The following SLC1A1 variants were observed in gnomAD, a reference collection of about 807,000 sequenced individuals.
SLC1A1 encodes solute carrier family 1 member 1.
Under a neutral mutation model 53.3 loss-of-function variants are expected in SLC1A1, and 43 were observed. The observed-to-expected ratio is 0.81, with a 90% confidence interval of 0.63 to 1.04. The LOEUF is 1.04. Ranked by LOEUF, SLC1A1 falls within the 50% of genes least tolerant of loss-of-function variation. The probability of loss-of-function intolerance (pLI) is 0.00; values close to 1 mark genes in which losing one functional copy is unlikely to be tolerated. For missense variants in SLC1A1, 748 were observed against 664.9 expected (o/e 1.12, Z -1.37); for synonymous variants, 307 against 243.2 (o/e 1.26, Z -2.44).
At chr9:4,541,851 G>A (rs1817039331) in intron 1 of SLC1A1, among the ~76,000 whole-genome samples, 1 of 152,134 alleles carries the variant, frequency 6.6e-6, no homozygotes, top group Non-Finnish European at 1.5e-5. Flanking sequence ...TTTGGCTTTG[G>A]GAACCTCTCC....
rs1820121834 is a variant in SLC1A1, at chr9:4,572,203, G to C, written c.583-1G>C. On this transcript the variant is annotated splice_acceptor_variant, in intron 6 of 11. Transcript: ENST00000262352. LOFTEE classifies it high-confidence loss of function. The stretch of plus-strand genomic sequence containing the variant: ...TATGTTTTCTTGGTTTTGATCCACA[G>C]AACAAAACAAAGGAATACAAAATTG... 6.2e-7 allele frequency: 1 copy of C among 1,612,306 alleles called. No homozygotes were observed.
chr9:4,567,362 C>T (rs1302255230), intron 5 of SLC1A1, among the ~76,000 whole-genome samples: 1 of 152,214 alleles, frequency 6.6e-6, no homozygotes, highest in Non-Finnish European at 1.5e-5. Flanking sequence ...ACAGCACCTG[C>T]AGATCAAGCC....
At chr9:4,524,098 A>G (rs1305622111) in intron 1 of SLC1A1, among the ~76,000 whole-genome samples, 2 of 152,202 alleles carry the variant, frequency 1.3e-5, no homozygotes, top group East Asian at 3.8e-4. Flanking sequence ...AAATTAGGTG[A>G]TCTGTAAATG....
chr9:4,544,663 T>C lies in SLC1A1; in HGVS notation c.188T>C (p.Leu63Pro). ...AFPGEILMRM[L>P]KLIILPLIIS... ...CCTGGAGAAATTCTAATGCGGATGC[T>C]GAAACTCATCATTTTGCCATTAATT... Residue 63 changes from leucine to proline, a missense_variant, in exon 2 of 12, where the codon CTG (leucine) becomes CCG (proline). Coordinates refer to ENST00000262352, the MANE Select transcript of SLC1A1 (RefSeq NM_004170.6). 3 of 1,613,724 alleles carry C rather than the reference T, an allele frequency of 1.9e-6. No individual in the cohort carries two copies. The highest frequency in any genetic ancestry group is 1.1e-5 in the South Asian group (1 of 91,072).
At chr9:4,555,532 C>A (rs1818293243) in intron 2 of SLC1A1, among the ~76,000 whole-genome samples, 1 of 152,192 alleles carries the variant, frequency 6.6e-6, no homozygotes, top group Non-Finnish European at 1.5e-5. Flanking sequence ...CACCCTTGCT[C>A]ATCAGAGCCT....
At chr9:4,517,931 T>C (rs1359200093) in intron 1 of SLC1A1, among the ~76,000 whole-genome samples, 2 of 152,030 alleles carry the variant, frequency 1.3e-5, no homozygotes, top group African/African-American at 4.8e-5. Flanking sequence ...ACCCTATCTT[T>C]AAGAATGAAG....
chr9:4,554,926 G>C (rs1157868830), intron 2 of SLC1A1, among the ~76,000 whole-genome samples: 3 of 152,202 alleles, frequency 2.0e-5, no homozygotes, highest in Admixed American at 6.5e-5. Context: ...AATCATGCAG[G>C]CTATTTACTA....
At chr9:4,538,793 A>G (rs1286713268) in intron 1 of SLC1A1, among the ~76,000 whole-genome samples, 1 of 152,232 alleles carries the variant, frequency 6.6e-6, no homozygotes, top group Non-Finnish European at 1.5e-5. Flanking sequence ...AAGAGATGAG[A>G]AAGGGATACA....
intron 6 of SLC1A1, among the ~76,000 whole-genome samples, chr9:4,569,586 G>C (rs958339315): frequency 3.3e-5 from 5 of 152,190 alleles, no homozygotes; most frequent in African/African-American, 1.2e-4. Flanking sequence ...CTTCACACAG[G>C]AAGGAATGAT....
chr9:4,543,591 G>A (rs1817200158), intron 1 of SLC1A1, among the ~76,000 whole-genome samples: 1 of 151,838 alleles, frequency 6.6e-6, no homozygotes, highest in Non-Finnish European at 1.5e-5. Flanking sequence ...TAGTGAACAT[G>A]TCCCTACACT....
At chr9:4,565,542 C>G (rs1321952284) in intron 4 of SLC1A1, among the ~76,000 whole-genome samples, 1 of 152,170 alleles carries the variant, frequency 6.6e-6, no homozygotes, top group Non-Finnish European at 1.5e-5. Context: ...AGAAGTGCCA[C>G]ACACTTTCTA....
At chr9:4,533,400 C>T (rs1816551975) in intron 1 of SLC1A1, among the ~76,000 whole-genome samples, 1 of 152,058 alleles carries the variant, frequency 6.6e-6, no homozygotes, top group Non-Finnish European at 1.5e-5. Flanking sequence ...CAAAAAAAGG[C>T]AGGGGTTGCA....
intron 1 of SLC1A1, among the ~76,000 whole-genome samples, chr9:4,522,343 G>A (rs551425565): frequency 6.6e-6 from 1 of 152,156 alleles, no homozygotes; most frequent in Admixed American, 6.5e-5. Flanking sequence ...GAGCCACCAC[G>A]CCTGGCCTGA....
rs746145446 is a variant in SLC1A1, at chr9:4,585,341, T to C, written c.1358T>C (p.Leu453Pro). 6.2e-7 allele frequency: 1 copy of C among 1,614,124 alleles called. No individual in the cohort carries two copies. Among genetic ancestry groups the C allele is most frequent in the South Asian group, 1.1e-5 (1 of 91,072 alleles). The change falls in exon 12 of 12, where the codon CTT (leucine) becomes CCT (proline). Residue 453 changes from leucine to proline, a missense_variant. Physicochemically the swap from Leu to Pro is moderately conservative, Grantham distance 98 (BLOSUM62 -3). Coordinates refer to ENST00000262352, the MANE Select transcript of SLC1A1 (RefSeq NM_004170.6). Reference sequence around the variant, plus strand: ...CGGTTCAGGACCATGGTCAACGTCCTTGGTGATGCTTTTGGGACGGGCATT... The same window carrying C: ...CGGTTCAGGACCATGGTCAACGTCCCTGGTGATGCTTTTGGGACGGGCATT... ...LDRFRTMVNV[L>P]GDAFGTGIVE...
At chr9:4,503,053 A>C (rs908809934) in intron 1 of SLC1A1, among the ~76,000 whole-genome samples, 1 of 151,608 alleles carries the variant, frequency 6.6e-6, no homozygotes, top group Non-Finnish European at 1.5e-5. Context: ...TTTAATTACC[A>C]CTTTTATGTT....
intron 1 of SLC1A1, among the ~76,000 whole-genome samples, chr9:4,526,381 A>C (rs1303051792): frequency 6.6e-6 from 1 of 152,222 alleles, no homozygotes; most frequent in East Asian, 1.9e-4. Context: ...TCAAAAACAC[A>C]AGGCAAGAGA....
intron 1 of SLC1A1, among the ~76,000 whole-genome samples, chr9:4,522,016 T>C (rs1026635414): frequency 1.3e-4 from 19 of 151,296 alleles, no homozygotes; most frequent in Middle Eastern, 3.5e-3. Context: ...ATTCCAAGTA[T>C]ACTTCTAATG....
chr9:4,546,512 A>G lies in SLC1A1; in HGVS notation c.232+1805A>G, dbSNP rs1467038111. ...TCTGAAACCAAGAGACAACTACTCC[A>G]TTTAGCTGGAGCAAATGCATTTGAG... On this transcript the variant is annotated intron_variant, in intron 2 of 11. Coordinates refer to ENST00000262352, the MANE Select transcript of SLC1A1 (RefSeq NM_004170.6). Among the ~76,000 whole-genome samples the G allele has an allele frequency of 2.6e-5, 4 of 152,262 alleles. No homozygotes were observed. In the East Asian group the frequency reaches 7.7e-4, roughly 29 times the overall value.
chr9:4,495,681 T>C (rs1031808737), intron 1 of SLC1A1, among the ~76,000 whole-genome samples: 1 of 150,188 alleles, frequency 6.7e-6, no homozygotes, highest in Non-Finnish European at 1.5e-5. Flanking sequence ...TAGGAGGAGA[T>C]GAAGTGGAGG....
Sources: allele counts gnomAD v4.1 joint callset (sites outside exome capture counted in the v4.1 genomes callset), GRCh38; gene constraint gnomAD v4.1.1; transcripts MANE v1.5; gene names NCBI Gene and HGNC (gene_info 2026-07-23, HGNC 2026-07-21).